Variants in RPTOR observed in about 807,000 individuals in gnomAD.
The protein encoded by RPTOR is regulatory-associated protein of mTOR.
In RPTOR, 21 loss-of-function variants were observed where a neutral mutation model predicts 169.9. The observed-to-expected ratio is 0.12, with a 90% CI of 0.09 to 0.18. The LOEUF is 0.18. Ranked by LOEUF, RPTOR falls within the 10% of genes least tolerant of loss-of-function variation. The pLI is 1.00. For synonymous variants in RPTOR, 732 were observed against 753.2 expected, an observed-to-expected ratio of 0.97 and a Z score of 0.46; for missense variants, 1,133 against 1,855.9, an observed-to-expected ratio of 0.61 and a Z score of 7.16.
intron 6 of RPTOR, among the ~76,000 whole-genome samples, chr17:80,787,365 C>T (rs1395966037): frequency 6.6e-6 from 1 of 152,220 alleles, no homozygotes; most frequent in Non-Finnish European, 1.5e-5. Flanking sequence ...ACACTGTGTG[C>T]ACCTGCTACT....
chr17:80,579,716 C>T (rs1004963341), intron 1 of RPTOR, among the ~76,000 whole-genome samples: 3 of 152,160 alleles, frequency 2.0e-5, no homozygotes, highest in African/African-American at 7.2e-5. Context: ...TCCGAGGGGT[C>T]TGGGATCCAT....
In RPTOR at chr17:80,844,312, T is replaced by G. The variant is rs2067702449; in HGVS notation, c.1213-2161T>G. Among the ~76,000 whole-genome samples the G allele has an allele frequency of 6.6e-6, 1 of 152,100 alleles. No individual in the cohort carries two copies. Among genetic ancestry groups the G allele is most frequent in the African/African-American group, 2.4e-5 (1 of 41,406 alleles). On this transcript the variant is annotated intron_variant, in intron 10 of 33. Transcript: ENST00000306801. This position sits in a 1 kb window ranked among gnomAD's most constrained non-coding sequence, Gnocchi z 4.7. Reference sequence around the variant, plus strand: ...TTTTTTGTCAGTTTGAGGTGAATAGTCAGGAATTTTTCTCTTTCTGCATGG... The same window carrying G: ...TTTTTTGTCAGTTTGAGGTGAATAGGCAGGAATTTTTCTCTTTCTGCATGG...
chr17:80,751,499 C>T (rs1281634366), intron 5 of RPTOR, among the ~76,000 whole-genome samples: 2 of 152,138 alleles, frequency 1.3e-5, no homozygotes, highest in South Asian at 2.1e-4. Flanking sequence ...CTAAGAACTA[C>T]GCAACTAAAA....
In RPTOR at chr17:80,550,973, C is replaced by T. The variant is rs536983298; in HGVS notation, c.162+5182C>T. 2.6e-3 allele frequency among the ~76,000 whole-genome samples: 399 copies of T among 152,258 alleles called. 2 individuals carry two copies. Among genetic ancestry groups the T allele is most frequent in the African/African-American group, 8.2e-3 (339 of 41,542 alleles). On this transcript the variant is annotated intron_variant, in intron 1 of 33. Transcript: ENST00000306801. Reference sequence around the variant, plus strand: ...CGTGATCTCGGCTCACTGCAACCTCCACCTCCCGAGTTCAAGAGATTCTCG... The same window carrying T: ...CGTGATCTCGGCTCACTGCAACCTCTACCTCCCGAGTTCAAGAGATTCTCG...
chr17:80,773,868 G>A lies in RPTOR; in HGVS notation c.831-17582G>A. On this transcript the variant is annotated intron_variant, in intron 6 of 33. Coordinates refer to ENST00000306801, the MANE Select transcript of RPTOR (RefSeq NM_020761.3). ...TCAGTGTGTTCTGTTGTGCATCAGA[G>A]CTCCCTCAGACGTCGACCGCTTCTG... The A allele has an allele frequency of 4.1e-6, 4 of 985,346 alleles. No homozygotes were observed. The South Asian group carries it at 1.4e-4, about 35-fold the overall frequency. 61.0% of individuals were successfully genotyped at this position (985,346 alleles called of 1,614,324 possible).
At chr17:80,819,886 C>T (rs374829178) in intron 7 of RPTOR, among the ~76,000 whole-genome samples, 1 of 152,210 alleles carries the variant, frequency 6.6e-6, no homozygotes, top group Admixed American at 6.5e-5. Flanking sequence ...GCTCCAGGCA[C>T]GTTGTTACAG....
chr17:80,794,621 G>A lies in RPTOR; in HGVS notation c.890+3112G>A, dbSNP rs1275117545. Among the ~76,000 whole-genome samples the A allele has an allele frequency of 1.3e-5, 2 of 152,292 alleles. 1 individual carries two copies. Among genetic ancestry groups the A allele is most frequent in the South Asian group, 4.1e-4 (2 of 4,824 alleles). On this transcript the variant is annotated intron_variant, in intron 7 of 33. Coordinates refer to ENST00000306801, the MANE Select transcript of RPTOR (RefSeq NM_020761.3). Reference sequence around the variant, plus strand: ...CAAAAACCTGTGCGTGAATGTTTACGGTAGCTCTGTTCATTACCCCAAGCC... The same window carrying A: ...CAAAAACCTGTGCGTGAATGTTTACAGTAGCTCTGTTCATTACCCCAAGCC...
chr17:80,773,676 C>A, intron 6 of RPTOR: 1 of 507,976 alleles, frequency 2.0e-6, no homozygotes, highest in African/African-American at 2.1e-5. Context: ...TGGCTGGCTC[C>A]TAGATGTTAT....
intron 4 of RPTOR, among the ~76,000 whole-genome samples, chr17:80,720,964 G>C (rs1013435565): frequency 6.6e-6 from 1 of 151,136 alleles, no homozygotes; most frequent in East Asian, 1.9e-4. Flanking sequence ...TGCTTCTTAC[G>C]TGTCGGGAGA....
At position 80,803,321 on chromosome 17, in the gene RPTOR, G is replaced by C. The variant is rs1280307277; in HGVS notation, c.890+11812G>C. 1 of 152,272 alleles carries C rather than the reference G, an allele frequency of 6.6e-6. No homozygotes were observed. The highest frequency in any genetic ancestry group is 1.5e-5 in the Non-Finnish European group (1 of 68,110). The allele number at this position is 152,272 out of a possible 1,614,324, so 9.4% of individuals were successfully genotyped here. The stretch of plus-strand genomic sequence containing the variant: ...AAGGGAGGTGGAGAGACTTGCTCAG[G>C]GTCACAGAGAGTCACACGAGGGTCC... On this transcript the variant is annotated intron_variant, in intron 7 of 33. Coordinates refer to ENST00000306801, the MANE Select transcript of RPTOR (RefSeq NM_020761.3). The surrounding 1 kb of genome is among the most constrained non-coding windows in gnomAD (Gnocchi z 6.2).
chr17:80,931,835 A>G (rs1029171943), intron 24 of RPTOR, among the ~76,000 whole-genome samples: 1 of 151,418 alleles, frequency 6.6e-6, no homozygotes, highest in Non-Finnish European at 1.5e-5. Flanking sequence ...ACAGGCTAGC[A>G]GGCTCCAGGC....
rs540650981 is a variant in RPTOR at position 80,755,207 on chromosome 17, A to G, written c.830+1022A>G. Among the ~76,000 whole-genome samples the G allele has an allele frequency of 8.5e-5, 13 of 152,302 alleles. No individual in the cohort carries two copies. In the South Asian group the frequency reaches 2.3e-3, roughly 27 times the overall value. On this transcript the variant is annotated intron_variant, in intron 6 of 33. Transcript: ENST00000306801. ...GGGGTGACTGCAGCGCAGCCCTCAC[A>G]TTAACTGTCCCTAGGCCTCCCCACC...
intron 33 of RPTOR, among the ~76,000 whole-genome samples, chr17:80,964,003 C>T (rs371241046): frequency 4.6e-4 from 70 of 152,282 alleles, no homozygotes; most frequent in African/African-American, 1.7e-3. Context: ...CATTGGATCC[C>T]AGAGCTGCCC....
chr17:80,830,279 C>T (rs1032488054), intron 9 of RPTOR, among the ~76,000 whole-genome samples: 1 of 152,224 alleles, frequency 6.6e-6, no homozygotes, highest in Non-Finnish European at 1.5e-5. Context: ...ACCTTGGCCA[C>T]TGACCAGTTC....
chr17:80,875,923 G>T (rs80006811), intron 13 of RPTOR, among the ~76,000 whole-genome samples: 2,474 of 66,028 alleles, frequency 0.037, 60 homozygotes, highest in East Asian at 0.086. Flanking sequence ...CACCGAGCCC[G>T]TGCCGCCCAG....
intron 6 of RPTOR, among the ~76,000 whole-genome samples, chr17:80,756,756 C>G (rs2066684477): frequency 6.6e-6 from 1 of 152,032 alleles, no homozygotes; most frequent in South Asian, 2.1e-4. Context: ...CCCAGTTACC[C>G]TGATTTGATC....
Position 80,711,744 on chromosome 17 carries a change from C to CTTTTTTTT in RPTOR, c.507+3754_507+3761dup, listed in dbSNP as rs1226456124. On this transcript the variant is annotated intron_variant, in intron 4 of 33. Coordinates refer to ENST00000306801, the MANE Select transcript of RPTOR (RefSeq NM_020761.3). ...AGTTAACATATAGTTATACATCAGT[C>CTTTTTTTT]TTTTTTTTTTTTTTTTGAGGTTAAG... is the stretch of plus-strand genomic sequence containing the variant. Among the ~76,000 whole-genome samples the CTTTTTTTT allele has an allele frequency of 7.6e-3, 675 of 88,758 alleles. 79 individuals carry two copies. Among genetic ancestry groups the CTTTTTTTT allele is most frequent in the Middle Eastern group, 0.014 (2 of 140 alleles). The allele number at this position is 88,758 out of a possible 152,430, so 58.2% of individuals were successfully genotyped here. A position where few individuals can be genotyped will look rare whatever the true frequency, so the allele number is the denominator to read the frequency against.
chr17:80,808,374 G>C (rs1157998062), intron 7 of RPTOR, among the ~76,000 whole-genome samples: 2 of 152,102 alleles, frequency 1.3e-5, no homozygotes, highest in African/African-American at 4.8e-5. Flanking sequence ...GCAGTGGCTC[G>C]TGATGCACCA....
rs7210739 is a variant in RPTOR at position 80,844,178 on chromosome 17, T to C, written c.1213-2295T>C. On this transcript the variant is annotated intron_variant, in intron 10 of 33. Coordinates refer to ENST00000306801, the MANE Select transcript of RPTOR (RefSeq NM_020761.3). The surrounding 1 kb of genome is among the most constrained non-coding windows in gnomAD (Gnocchi z 4.7). ...ATGTTTTCCGGAATATCATATAAAG[T>C]GTTGGCCACTCTTCCGCAGGCGCTT... Among the ~76,000 whole-genome samples, 17,032 of 152,150 alleles carry C rather than the reference T, an allele frequency of 0.11. 1,040 individuals are homozygous for C. Among genetic ancestry groups the C allele is most frequent in the East Asian group, 0.19 (957 of 5,172 alleles).
Sources: allele counts gnomAD v4.1 joint callset (sites outside exome capture counted in the v4.1 genomes callset), GRCh38; gene constraint gnomAD v4.1.1; non-coding constraint Gnocchi (gnomAD v3.1); transcripts MANE v1.5; gene names NCBI Gene and HGNC (gene_info 2026-07-23, HGNC 2026-07-21).